Variants in PRKG1 observed in about 807,000 individuals in gnomAD.
PRKG1 encodes cGMP-dependent protein kinase 1.
PRKG1 carries 35 observed loss-of-function variants against 88.1 expected under a neutral mutation model. The ratio of observed to expected loss-of-function variants is 0.40; its 90% CI spans 0.30 to 0.53. PRKG1 has a LOEUF of 0.53. PRKG1 is among the 20% of genes least tolerant of loss of function. PRKG1 has a pLI of 0.59. For synonymous variants in PRKG1, 303 were observed against 292.5 expected (o/e 1.04, Z -0.37); for missense variants, 540 against 839.8 (o/e 0.64, Z 4.41).
chr10:52,287,261 G>A (rs1181233648), intron 14 of PRKG1, among the ~76,000 whole-genome samples: 1 of 151,880 alleles, frequency 6.6e-6, no homozygotes, highest in Non-Finnish European at 1.5e-5. Flanking sequence ...TAAATTCTAA[G>A]AGAATACTAA....
intron 3 of PRKG1, among the ~76,000 whole-genome samples, chr10:51,785,386 C>A (rs559000075): frequency 6.6e-6 from 1 of 151,372 alleles, no homozygotes; most frequent in African/African-American, 2.4e-5. Flanking sequence ...GTTGGAATAA[C>A]AAGAAAAGAA....
chr10:51,697,642 A>G, intron 3 of PRKG1: 1 of 1,562,748 alleles, frequency 6.4e-7, no homozygotes, highest in East Asian at 2.2e-5. Context: ...TTTTGCACCC[A>G]TTCTCCATGC....
In PRKG1 at chr10:52,298,092, G is replaced by A. The variant is rs1394847041; in HGVS notation, c.*4192G>A. The A allele has an allele frequency of 1.3e-5, 2 of 151,964 alleles. No homozygotes were observed. Among genetic ancestry groups the A allele is most frequent in the Non-Finnish European group, 2.9e-5 (2 of 67,980 alleles). The allele number at this position is 151,964 out of a possible 1,614,324, so 9.4% of individuals were successfully genotyped here. On this transcript the variant is annotated 3_prime_UTR_variant, in exon 18 of 18. Transcript: ENST00000373980. ...TGTATGATGTTTTTACAACTGGTCA[G>A]TTCTTTTGTATTCTTACAGCTATGG... is the stretch of plus-strand genomic sequence containing the variant.
intron 9 of PRKG1, among the ~76,000 whole-genome samples, chr10:52,174,169 C>T (rs1470427951): frequency 6.6e-6 from 1 of 151,602 alleles, no homozygotes; most frequent in Admixed American, 6.6e-5. Flanking sequence ...TCCTCTCAAG[C>T]CCCTTAACTT....
chr10:51,325,356 G>T (rs938432605), intron 2 of PRKG1, among the ~76,000 whole-genome samples: 30 of 152,196 alleles, frequency 2.0e-4, no homozygotes, highest in African/African-American at 7.0e-4. Flanking sequence ...TGCCTCCTGG[G>T]TTCAAGCAAT....
chr10:51,237,856 T>C (rs1432536964), intron 2 of PRKG1, among the ~76,000 whole-genome samples: 4 of 152,146 alleles, frequency 2.6e-5, no homozygotes, highest in African/African-American at 9.7e-5. Context: ...CCCTGACAAG[T>C]TGAAGTCCCT....
rs1847025589 is a variant in PRKG1, at chr10:52,090,336, C to T, written c.935+27705C>T. 2.0e-5 allele frequency among the ~76,000 whole-genome samples: 3 copies of T among 151,120 alleles called. 1 individual carries two copies. The South Asian group carries it at 6.3e-4, about 32-fold the overall frequency. On this transcript the variant is annotated intron_variant, in intron 7 of 17. Coordinates refer to ENST00000373980, the MANE Select transcript of PRKG1 (RefSeq NM_006258.4). ...GGCAAAGCTAAAACAATTTGTGTAA[C>T]AAAATAAATTATAATAGTATTGGAT...
chr10:52,293,631 T>C (rs193077621), intron 17 of PRKG1, among the ~76,000 whole-genome samples, 171 bp from the exon 18 acceptor site: 39 of 152,242 alleles, frequency 2.6e-4, no homozygotes, highest in Non-Finnish European at 4.7e-4. Context: ...TCTCCAAGGA[T>C]AAGAACCATG....
chr10:52,209,436 A>AT (rs1443502835), intron 9 of PRKG1, among the ~76,000 whole-genome samples: 1 of 152,108 alleles, frequency 6.6e-6, no homozygotes, highest in Non-Finnish European at 1.5e-5. Context: ...CCCAGGCTGG[A>AT]TTTTACCTTG....
intron 7 of PRKG1, among the ~76,000 whole-genome samples, chr10:52,123,585 A>G (rs982917852): frequency 6.6e-6 from 1 of 152,102 alleles, no homozygotes; most frequent in Admixed American, 6.6e-5. Context: ...TAGGATTTTT[A>G]AGGACAGAGA....
At chr10:51,070,022 C>T (rs1416455247), upstream of PRKG1, among the ~76,000 whole-genome samples, 2 of 152,028 alleles carry the variant, frequency 1.3e-5, no homozygotes, top group African/African-American at 4.8e-5. Flanking sequence ...CAAATTTGTC[C>T]TCTTCACCTC....
At chr10:52,120,705 C>A (rs1246440709) in intron 7 of PRKG1, among the ~76,000 whole-genome samples, 2 of 152,182 alleles carry the variant, frequency 1.3e-5, no homozygotes, top group African/African-American at 2.4e-5. Flanking sequence ...GAGTTGGGCT[C>A]CCCAGACCTC....
chr10:51,085,697 G>A (rs2131856470), intron 1 of PRKG1, among the ~76,000 whole-genome samples: 1 of 151,884 alleles, frequency 6.6e-6, no homozygotes, highest in Admixed American at 6.6e-5. Context: ...AGTTCTGAAT[G>A]TTAGAGGAAA....
At chr10:51,989,467 T>G (rs1287329691) in intron 5 of PRKG1, among the ~76,000 whole-genome samples, 2 of 152,008 alleles carry the variant, frequency 1.3e-5, no homozygotes, top group East Asian at 3.9e-4. Flanking sequence ...CAATGACAAC[T>G]GAGTCCAGTA....
intron 1 of PRKG1, among the ~76,000 whole-genome samples, chr10:51,078,786 T>G (rs1165485957): frequency 6.6e-6 from 1 of 151,726 alleles, no homozygotes; most frequent in East Asian, 1.9e-4. Flanking sequence ...CCGGCTAATT[T>G]TTTTGTATTT....
At chr10:51,386,787 ATTC>A (rs1468850246) in intron 2 of PRKG1, among the ~76,000 whole-genome samples, 2 of 147,614 alleles carry the variant, frequency 1.4e-5, no homozygotes. Flanking sequence ...GCACTCTTGT[ATTC>A]TTATAATAAA....
rs144575553 is a variant in PRKG1 at position 52,087,272 on chromosome 10, T to G, written c.935+24641T>G. On this transcript the variant is annotated intron_variant, in intron 7 of 17. Transcript: ENST00000373980. ...GTTATCTCAGTGTAGTTTTTCAATT[T>G]TTATTTTTAATTGTGAATGAAATTG... Among the ~76,000 whole-genome samples, 8 of 152,308 alleles carry G rather than the reference T, an allele frequency of 5.3e-5. No homozygotes were observed. The East Asian group carries it at 1.5e-3, about 29-fold the overall frequency.
At chr10:51,575,201 G>A (rs766028479) in intron 3 of PRKG1, among the ~76,000 whole-genome samples, 4 of 151,868 alleles carry the variant, frequency 2.6e-5, no homozygotes, top group Non-Finnish European at 5.9e-5. Context: ...AGTGACAAGG[G>A]GGATCACAAT....
At chr10:51,147,763 G>A (rs1564617823) in intron 1 of PRKG1, among the ~76,000 whole-genome samples, 1 of 152,074 alleles carries the variant, frequency 6.6e-6, no homozygotes, top group South Asian at 2.1e-4. Flanking sequence ...GTCTGAATTT[G>A]GCAAACAGTT....
Sources: gnomAD v4.1 joint callset for allele counts (sites outside exome capture counted in the v4.1 genomes callset) on GRCh38, gnomAD v4.1.1 for gene constraint, MANE v1.5 for transcripts, NCBI Gene and HGNC (gene_info 2026-07-23, HGNC 2026-07-21) for gene names.